DDX46: variants seen among roughly 807,000 people sequenced by gnomAD.
The protein encoded by DDX46 is DEAD-box helicase 46, also known as probable ATP-dependent RNA helicase DDX46.
In DDX46, 30 loss-of-function variants were observed where a neutral mutation model predicts 134.9. That is an observed-to-expected ratio of 0.22 (90% CI 0.17 to 0.30). The LOEUF is 0.30. Among genes scored for constraint, DDX46 ranks in the 10% least tolerant of loss-of-function variants. The pLI, the probability that DDX46 is intolerant of heterozygous loss-of-function variation, is 1.00. For synonymous variants in DDX46, 415 were observed against 404.1 expected, an observed-to-expected ratio of 1.03 and a Z score of -0.32; for missense variants, 622 against 1,248.7, an observed-to-expected ratio of 0.50 and a Z score of 7.56.
At chr5:134,780,578 A>AT (rs1754118161) in intron 6 of DDX46, among the ~76,000 whole-genome samples, 1 of 149,122 alleles carries the variant, frequency 6.7e-6, no homozygotes, top group Non-Finnish European at 1.5e-5. Context: ...AAATAAATAA[A>AT]TAAATAAATA....
At chr5:134,823,856 A>AC (rs992096863) in intron 21 of DDX46, among the ~76,000 whole-genome samples, 1 of 152,114 alleles carries the variant, frequency 6.6e-6, no homozygotes, top group African/African-American at 2.4e-5. Context: ...TGGCAATAAA[A>AC]CCTTTGGTGT....
chr5:134,782,459 G>A (rs1754183575), intron 8 of DDX46, among the ~76,000 whole-genome samples: 1 of 151,924 alleles, frequency 6.6e-6, no homozygotes, highest in Non-Finnish European at 1.5e-5. Flanking sequence ...GGCCAATATG[G>A]TGAAACCCCA....
chr5:134,762,992 G>A (rs1206535886), intron 1 of DDX46, among the ~76,000 whole-genome samples: 1 of 152,052 alleles, frequency 6.6e-6, no homozygotes, highest in Non-Finnish European at 1.5e-5. Flanking sequence ...CCGGGAGGTG[G>A]AGCTTGCAGT....
chr5:134,763,462 CT>C (rs1158379684), intron 1 of DDX46, among the ~76,000 whole-genome samples: 1 of 152,184 alleles, frequency 6.6e-6, no homozygotes, highest in African/African-American at 2.4e-5. Flanking sequence ...ACCAGTCAAG[CT>C]TCCTCTTTAG....
chr5:134,800,978 T>C (rs1039492680), intron 15 of DDX46, among the ~76,000 whole-genome samples: 2 of 152,052 alleles, frequency 1.3e-5, no homozygotes, highest in Admixed American at 6.5e-5. Context: ...CCTGGCCTCA[T>C]GTATTCTTTT....
At chr5:134,824,558 A>G (rs999769051) in intron 21 of DDX46, among the ~76,000 whole-genome samples, 4 of 152,172 alleles carry the variant, frequency 2.6e-5, no homozygotes, top group Non-Finnish European at 5.9e-5. Context: ...CAGCCTGGGC[A>G]AAAACAGCGA....
intron 15 of DDX46, among the ~76,000 whole-genome samples, chr5:134,798,925 A>G (rs764110736): frequency 2.6e-5 from 4 of 152,244 alleles, no homozygotes; most frequent in Non-Finnish European, 4.4e-5. Flanking sequence ...CTGAACATGC[A>G]CAAAATCTAT....
chr5:134,807,543 G>C (rs1709781580), intron 15 of DDX46, among the ~76,000 whole-genome samples: 2 of 152,138 alleles, frequency 1.3e-5, no homozygotes, highest in Non-Finnish European at 2.9e-5. Flanking sequence ...AAGAAAGGGG[G>C]CAATACAAGA....
intron 15 of DDX46, among the ~76,000 whole-genome samples, chr5:134,797,476 C>T (rs1754701129): frequency 6.6e-6 from 1 of 152,194 alleles, no homozygotes; most frequent in South Asian, 2.1e-4. Context: ...TCAGTTAGAC[C>T]TTGGTCATGG....
intron 6 of DDX46, chr5:134,777,955 G>C: frequency 2.5e-6 from 1 of 398,714 alleles, no homozygotes; most frequent in Non-Finnish European, 4.4e-6. Context: ...TGATATCTTT[G>C]CTTACATATT....
chr5:134,818,777 A>G, intron 20 of DDX46, 83 bp from the exon 21 acceptor site: 1 of 1,208,222 alleles, frequency 8.3e-7, no homozygotes, highest in Non-Finnish European at 1.1e-6. Flanking sequence ...ATATGATATC[A>G]GCCAGCCTAG....
At position 134,816,505 on chromosome 5, in the gene DDX46, G is replaced by C. The variant is rs745872523; in HGVS notation, c.2512G>C (p.Val838Leu). The C allele has an allele frequency of 6.2e-7, 1 of 1,613,976 alleles. No individual in the cohort carries two copies. The highest frequency in any genetic ancestry group is 8.5e-7 in the Non-Finnish European group (1 of 1,179,926). ...KDMAAPGTSS[V>L]PAPTAGNAEK... ...TATGGCTGCTCCTGGAACATCAAGTGTTCCTGCTCCAACTGCAGGAAATGC... is the reference window on the plus strand; with the variant it reads ...TATGGCTGCTCCTGGAACATCAAGTCTTCCTGCTCCAACTGCAGGAAATGC... Residue 838 changes from valine to leucine, a missense_variant, in exon 19 of 23, where the codon GTT becomes CTT. Transcript: ENST00000452510.
At position 134,782,977 on chromosome 5, in the gene DDX46, A is replaced by G. The variant is rs1301220464; in HGVS notation, c.1078A>G (p.Ile360Val). ...VNVFRLEMEG[I>V]TVKGKGCPKP... ...TGTGTTTCGATTGGAAATGGAGGGCATTACAGTTAAAGGAAAAGGTTGCCC... is the reference window on the plus strand; with the variant it reads ...TGTGTTTCGATTGGAAATGGAGGGCGTTACAGTTAAAGGAAAAGGTTGCCC... Residue 360 changes from isoleucine to valine, a missense_variant, in exon 9 of 23, where the codon ATT (isoleucine) becomes GTT (valine). By Grantham distance (29) the Ile-to-Val change is conservative. Around this residue, in one of 8 missense-constraint regions of DDX46, gnomAD observed 63 missense variants for 84.0 expected, o/e 0.75. Coordinates refer to ENST00000452510, the MANE Select transcript of DDX46 (RefSeq NM_001300860.2). The G allele has an allele frequency of 1.2e-6, 2 of 1,613,746 alleles. No homozygotes were observed. Among genetic ancestry groups the G allele is most frequent in the Admixed American group, 1.7e-5 (1 of 59,990 alleles).
intron 12 of DDX46, chr5:134,789,392 A>T (rs1580795557): frequency 6.6e-6 from 1 of 152,322 alleles, no homozygotes; most frequent in East Asian, 1.9e-4. Flanking sequence ...ATGCTCTCAG[A>T]GGTTTCCATT....
intron 5 of DDX46, among the ~76,000 whole-genome samples, chr5:134,776,132 C>G (rs1298612783): frequency 6.6e-6 from 1 of 152,126 alleles, no homozygotes. Flanking sequence ...TGGTGCATGC[C>G]TGTAATCCCA....
At chr5:134,771,397 A>G (rs1273660020) in intron 4 of DDX46, among the ~76,000 whole-genome samples, 1 of 138,632 alleles carries the variant, frequency 7.2e-6, no homozygotes, top group Non-Finnish European at 1.6e-5. Flanking sequence ...CTGGCCATCA[A>G]ACTTGTTTCT....
chr5:134,829,021 A>G lies in DDX46; in HGVS notation c.*315A>G, dbSNP rs1473282331. ...ATATTTGAACTTTCTATTGAAGACA[A>G]TAAAGTACACAAGTCGTTAAGGGGC... is the stretch of plus-strand genomic sequence containing the variant. On this transcript the variant is annotated 3_prime_UTR_variant, in exon 23 of 23. Coordinates refer to ENST00000452510, the MANE Select transcript of DDX46 (RefSeq NM_001300860.2). 5.1e-6 allele frequency: 1 copy of G among 194,276 alleles called. No homozygotes were observed. The highest frequency in any genetic ancestry group is 2.3e-5 in the African/African-American group (1 of 43,358). 12.0% of individuals were successfully genotyped at this position (194,276 alleles called of 1,614,324 possible). A position where few individuals can be genotyped will look rare whatever the true frequency, so the allele number is the denominator to read the frequency against.
chr5:134,765,574 ATCT>A (rs1181614717), intron 2 of DDX46, among the ~76,000 whole-genome samples: 1 of 151,616 alleles, frequency 6.6e-6, no homozygotes, highest in Admixed American at 6.6e-5. Context: ...AAAGAAAATA[ATCT>A]TCTGTGCACA....
At chr5:134,791,501 C>T (rs1381881373) in intron 13 of DDX46, among the ~76,000 whole-genome samples, 1 of 151,062 alleles carries the variant, frequency 6.6e-6, no homozygotes, top group Non-Finnish European at 1.5e-5. Flanking sequence ...GCGGAGCTTG[C>T]AGTGAGCTGA....
Sources: gnomAD v4.1 joint callset for allele counts (sites outside exome capture counted in the v4.1 genomes callset) on GRCh38, gnomAD v4.1.1 for gene constraint, gnomAD v4.1.1 regional missense constraint, MANE v1.5 for transcripts, NCBI Gene and HGNC (gene_info 2026-07-23, HGNC 2026-07-21) for gene names.